Variants in DNAH10 observed in about 807,000 individuals in gnomAD.
DNAH10 encodes the protein dynein axonemal heavy chain 10.
A neutral mutation model predicts 506.6 loss-of-function variants in DNAH10; 348 were observed. That is an observed-to-expected ratio of 0.69 (90% CI 0.63 to 0.75). The LOEUF is 0.75. Among genes scored for constraint, DNAH10 ranks in the 30% least tolerant of loss-of-function variants. DNAH10 has a pLI of 0.00. For synonymous variants in DNAH10, 2,059 were observed against 2,198.6 expected (o/e 0.94, Z 1.78); for missense variants, 5,179 against 5,787.1 (o/e 0.89, Z 3.41).
Position 123,772,938 on chromosome 12 carries a change from C to A in DNAH10, c.501C>A (p.Thr167=). The A allele has an allele frequency of 6.2e-7, 1 of 1,606,784 alleles. No individual in the cohort carries two copies. The highest frequency in any genetic ancestry group is 1.1e-5 in the South Asian group (1 of 90,670). The change falls in exon 4 of 79, where the codon ACC becomes ACA. Residue 167 remains threonine (T), a synonymous_variant. Transcript: ENST00000673944. ...DQNVVFFLRN[T]KEAISEATDM... is the part of the protein sequence containing the mutation. ...ACGTGGTGTTTTTCCTCAGAAATAC[C>A]AAAGGTACATTTCTGGCACGTGTGT...
At position 123,803,714 on chromosome 12, in the gene DNAH10, C is replaced by T; in HGVS notation, c.2668C>T (p.Leu890Phe). The part of the protein sequence containing the change: ...CKQAIGKFES[L>F]VHQIHKNADD... ...ACAGGCCATTGGGAAATTTGAGTCTCTCGTCCACCAGATTCATAAGAATGC... is the reference window on the plus strand; with the variant it reads ...ACAGGCCATTGGGAAATTTGAGTCTTTCGTCCACCAGATTCATAAGAATGC... Residue 890 changes from leucine to phenylalanine, a missense_variant, in exon 17 of 79, where the codon CTC (leucine) becomes TTC (phenylalanine). Around this residue, in one of 3 missense-constraint regions of DNAH10, gnomAD observed 4,844 missense variants for 5,430.5 expected, o/e 0.89. Coordinates refer to ENST00000673944, the MANE Select transcript of DNAH10 (RefSeq NM_001372106.1). 6.2e-7 allele frequency: 1 copy of T among 1,610,680 alleles called. No homozygotes were observed. The highest frequency in any genetic ancestry group is 8.5e-7 in the Non-Finnish European group (1 of 1,179,052).
intron 28 of DNAH10, 145 bp from the exon 29 acceptor site, chr12:123,838,311 C>T (rs1171883958): frequency 1.1e-5 from 7 of 636,184 alleles, no homozygotes; most frequent in Non-Finnish European, 1.4e-5. Context: ...TAAATGGATC[C>T]CCTGAAAGCC....
chr12:123,935,640 A>C lies in DNAH10; in HGVS notation c.*159A>C. 1 of 740,448 alleles carries C rather than the reference A, an allele frequency of 1.4e-6. No homozygotes were observed. Among genetic ancestry groups the C allele is most frequent in the East Asian group, 2.6e-5 (1 of 38,998 alleles). 45.9% of individuals were successfully genotyped at this position (740,448 alleles called of 1,614,324 possible). ...ACTTAAATCTCTTTCCATACAAATT[A>C]ACCTGAATGGTTTTGTTTTTAATAC... On this transcript the variant is annotated 3_prime_UTR_variant, in exon 79 of 79. Coordinates refer to ENST00000673944, the MANE Select transcript of DNAH10 (RefSeq NM_001372106.1).
intron 2 of DNAH10, among the ~76,000 whole-genome samples, chr12:123,771,270 T>C (rs1483438462): frequency 1.3e-5 from 2 of 152,204 alleles, no homozygotes; most frequent in Non-Finnish European, 2.9e-5. Flanking sequence ...GCGCCTGGAC[T>C]GTAATTCTTG....
At chr12:123,772,236 G>A (rs937375756) in intron 3 of DNAH10, among the ~76,000 whole-genome samples, 1 of 152,136 alleles carries the variant, frequency 6.6e-6, no homozygotes. Context: ...GTATGACTGG[G>A]GCCCCAGCAA....
intron 50 of DNAH10, 77 bp downstream of exon 50, chr12:123,879,878 G>A: frequency 2.0e-6 from 3 of 1,530,196 alleles, no homozygotes; most frequent in Non-Finnish European, 2.7e-6. Flanking sequence ...GCATCGCGCG[G>A]GTGCCCGGGA....
chr12:123,847,985 G>T lies in DNAH10; in HGVS notation c.5839G>T (p.Ala1947Ser), dbSNP rs1951023602. The stretch of plus-strand genomic sequence containing the variant: ...GGCGCTGTCCATGTATCTAGGTGGG[G>T]CCCCCGCCGGCCCAGCAGGAACCGG... ...TQALSMYLGG[A>S]PAGPAGTGKT... Residue 1947 changes from alanine (A) to serine (S), a missense_variant, in exon 33 of 79, where the codon GCC (alanine) becomes TCC (serine). Around this residue, in one of 3 missense-constraint regions of DNAH10, gnomAD observed 4,844 missense variants for 5,430.5 expected, o/e 0.89. Coordinates refer to ENST00000673944, the MANE Select transcript of DNAH10 (RefSeq NM_001372106.1). 1 of 1,613,082 alleles carries T rather than the reference G, an allele frequency of 6.2e-7. No individual in the cohort carries two copies. Among genetic ancestry groups the T allele is most frequent in the Admixed American group, 1.7e-5 (1 of 59,842 alleles).
At chr12:123,768,388 G>C (rs999494534) in intron 2 of DNAH10, among the ~76,000 whole-genome samples, 1 of 151,988 alleles carries the variant, frequency 6.6e-6, no homozygotes, top group Non-Finnish European at 1.5e-5. Context: ...GCCCTCCTCG[G>C]CCTCCCAAAG....
intron 38 of DNAH10, 46 bp downstream of exon 38, chr12:123,859,314 A>G (rs747896695): frequency 6.9e-7 from 1 of 1,451,300 alleles, no homozygotes; most frequent in South Asian, 1.4e-5. Flanking sequence ...ACAGGGGCTC[A>G]CAGTATATGT....
rs1188340707 is a variant in DNAH10 at position 123,861,052 on chromosome 12, G to C, written c.6790G>C (p.Ala2264Pro). The C allele has an allele frequency of 1.2e-6, 2 of 1,613,962 alleles. No individual in the cohort carries two copies. The highest frequency in any genetic ancestry group is 1.7e-6 in the Non-Finnish European group (2 of 1,179,896). Reference sequence around the variant, plus strand: ...AAAGTTGTACATCCTGAACCCCAAAGCCGTGAGTGTCATAGAACTCTACGG... The same window carrying C: ...AAAGTTGTACATCCTGAACCCCAAACCCGTGAGTGTCATAGAACTCTACGG... Reference protein sequence around the residue: ...TTKLYILNPKAVSVIELYGIL... With the variant: ...TTKLYILNPKPVSVIELYGIL... Residue 2264 changes from alanine to proline, a missense_variant, in exon 39 of 79, where the codon GCC (alanine) becomes CCC (proline). This residue lies in a region of DNAH10 where 4,844 missense variants were observed against 5,430.5 expected (regional missense o/e 0.89). Coordinates refer to ENST00000673944, the MANE Select transcript of DNAH10 (RefSeq NM_001372106.1).
chr12:123,920,113 A>G lies in DNAH10; in HGVS notation c.11506+1164A>G, dbSNP rs761116136. 2.0e-5 allele frequency among the ~76,000 whole-genome samples: 3 copies of G among 152,320 alleles called. No individual in the cohort carries two copies. In the South Asian group the frequency reaches 6.2e-4, roughly 32 times the overall value. ...TTCAAAAGACTTTTTATTATGGAAA[A>G]CATATGCAAAAGAGAATAGTGTCGT... is the stretch of plus-strand genomic sequence containing the variant. On this transcript the variant is annotated intron_variant, in intron 65 of 78. Transcript: ENST00000673944.
At chr12:123,807,004 G>C (rs556288127) in intron 18 of DNAH10, among the ~76,000 whole-genome samples, 1 of 152,210 alleles carries the variant, frequency 6.6e-6, no homozygotes, top group African/African-American at 2.4e-5. Flanking sequence ...TCCTGACCTC[G>C]TGATCTGCCT....
Position 123,846,835 on chromosome 12 carries a change from C to T in DNAH10, c.5814+681C>T, listed in dbSNP as rs980395825. 3.9e-5 allele frequency among the ~76,000 whole-genome samples: 6 copies of T among 152,116 alleles called. No individual in the cohort carries two copies. The highest frequency in any genetic ancestry group is 1.4e-4 in the African/African-American group (6 of 41,406). On this transcript the variant is annotated intron_variant, in intron 32 of 78. Coordinates refer to ENST00000673944, the MANE Select transcript of DNAH10 (RefSeq NM_001372106.1). The surrounding 1 kb of genome is among the most constrained non-coding windows in gnomAD (Gnocchi z 4.5). ...GGCTCACAGTTTCTCAGCTGTGACT[C>T]ATACCCACTGTGGATGTGGCATGCA...
At position 123,864,695 on chromosome 12, in the gene DNAH10, A is replaced by T; in HGVS notation, c.7009A>T (p.Ile2337Phe). The change falls in exon 40 of 79, where the codon ATC (isoleucine) becomes TTC (phenylalanine). Residue 2337 changes from isoleucine (I) to phenylalanine (F), a missense_variant. Around this residue, in one of 3 missense-constraint regions of DNAH10, gnomAD observed 4,844 missense variants for 5,430.5 expected, o/e 0.89. Transcript: ENST00000673944. ...RLLTLANGER[I>F]RLQAHCALLF... ...GTTGACATTGGCCAACGGGGAACGCATCCGGCTCCAAGCACACTGTGCCCT... is the reference window on the plus strand; with the variant it reads ...GTTGACATTGGCCAACGGGGAACGCTTCCGGCTCCAAGCACACTGTGCCCT... The T allele has an allele frequency of 6.2e-7, 1 of 1,614,048 alleles. No individual in the cohort carries two copies. The highest frequency in any genetic ancestry group is 8.5e-7 in the Non-Finnish European group (1 of 1,179,890).
chr12:123,836,313 G>A (rs974224832), intron 28 of DNAH10, among the ~76,000 whole-genome samples: 6 of 152,172 alleles, frequency 3.9e-5, no homozygotes, highest in African/African-American at 1.4e-4. Context: ...TCCAGGGAGT[G>A]GGCTGACATT....
rs1010936673 is a variant in DNAH10 at position 123,902,370 on chromosome 12, C to T, written c.9641-569C>T. ...AGCCCTGCTCTAGGTTTTGGGGTTCCGGCCCTCGGGGAGGTGCTGACATCC... is the reference window on the plus strand; with the variant it reads ...AGCCCTGCTCTAGGTTTTGGGGTTCTGGCCCTCGGGGAGGTGCTGACATCC... On this transcript the variant is annotated intron_variant, in intron 56 of 78. Coordinates refer to ENST00000673944, the MANE Select transcript of DNAH10 (RefSeq NM_001372106.1). The surrounding 1 kb of genome is among the most constrained non-coding windows in gnomAD (Gnocchi z 4.5). Among the ~76,000 whole-genome samples the T allele has an allele frequency of 4.6e-5, 7 of 152,176 alleles. No individual in the cohort carries two copies. The highest frequency in any genetic ancestry group is 1.3e-4 in the Admixed American group (2 of 15,264).
At chr12:123,920,098 T>G (rs959898767) in intron 65 of DNAH10, among the ~76,000 whole-genome samples, 15 of 152,236 alleles carry the variant, frequency 9.9e-5, no homozygotes, top group African/African-American at 3.1e-4. Flanking sequence ...TTCAAAAGAC[T>G]TTTTATTATG....
Position 123,935,661 on chromosome 12 carries a change from A to C in DNAH10, c.*180A>C, listed in dbSNP as rs1955463352. 2 of 573,648 alleles carry C rather than the reference A, an allele frequency of 3.5e-6. No individual in the cohort carries two copies. The highest frequency in any genetic ancestry group is 4.8e-5 in the South Asian group (1 of 20,840). The allele number at this position is 573,648 out of a possible 1,614,324, so 35.5% of individuals were successfully genotyped here. A position where few individuals can be genotyped will look rare whatever the true frequency, so the allele number is the denominator to read the frequency against. Reference sequence around the variant, plus strand: ...AATTAACCTGAATGGTTTTGTTTTTAATACTACTTTTTAAAAGGAATTTAT... The same window carrying C: ...AATTAACCTGAATGGTTTTGTTTTTCATACTACTTTTTAAAAGGAATTTAT... On this transcript the variant is annotated 3_prime_UTR_variant, in exon 79 of 79. Coordinates refer to ENST00000673944, the MANE Select transcript of DNAH10 (RefSeq NM_001372106.1).
chr12:123,886,494 CGTGT>C (rs751962813), intron 51 of DNAH10, among the ~76,000 whole-genome samples: 96 of 151,028 alleles, frequency 6.4e-4, no homozygotes, highest in African/African-American at 2.2e-3. Context: ...TGTGTGCACA[CGTGT>C]GTGTGTGTGT....
Sources: gnomAD v4.1 joint callset for allele counts (sites outside exome capture counted in the v4.1 genomes callset) on GRCh38, gnomAD v4.1.1 for gene constraint, gnomAD v4.1.1 regional missense constraint, Gnocchi (gnomAD v3.1) non-coding constraint, MANE v1.5 for transcripts, NCBI Gene and HGNC (gene_info 2026-07-23, HGNC 2026-07-21) for gene names.